Variants in PHIP observed in about 807,000 individuals in gnomAD.
PHIP encodes PHIP subunit of CUL4-Ring ligase complex, also known as PH-interacting protein.
PHIP carries 54 observed loss-of-function variants against 236.8 expected under a neutral mutation model. The observed-to-expected ratio is 0.23, with a 90% confidence interval of 0.18 to 0.29. The LOEUF (loss-of-function observed/expected upper bound fraction) is 0.29. PHIP is among the 10% of genes least tolerant of loss of function. The pLI is 1.00. For synonymous variants in PHIP, 756 were observed against 718.9 expected, an observed-to-expected ratio of 1.05 and a Z score of -0.83; for missense variants, 1,370 against 2,190.8, an observed-to-expected ratio of 0.63 and a Z score of 7.48.
At chr6:79,063,308 C>G (rs1489332244) in intron 4 of PHIP, among the ~76,000 whole-genome samples, 2 of 152,192 alleles carry the variant, frequency 1.3e-5, no homozygotes, top group African/African-American at 4.8e-5. Flanking sequence ...GACTGACTTC[C>G]CCACTCTCAA....
At chr6:79,077,211 C>A (rs909468102) in intron 4 of PHIP, among the ~76,000 whole-genome samples, 1 of 152,002 alleles carries the variant, frequency 6.6e-6, no homozygotes, top group Non-Finnish European at 1.5e-5. Context: ...ATCTTTATTT[C>A]TAGCACATTA....
Position 79,036,757 on chromosome 6 carries a change from T to A in PHIP, c.600+6086A>T, listed in dbSNP as rs183935671. On this transcript the variant is annotated intron_variant, in intron 7 of 39. Coordinates refer to ENST00000275034, the MANE Select transcript of PHIP (RefSeq NM_017934.7). ...TAACATGGTGAAACCCTGTCTCTAC[T>A]AAAAATACAAAAAATTAGCCAGGCG... Among the ~76,000 whole-genome samples, 448 of 151,618 alleles carry A rather than the reference T, an allele frequency of 3.0e-3. 3 individuals carry two copies. The highest frequency in any genetic ancestry group is 8.8e-3 in the African/African-American group (365 of 41,342).
chr6:78,977,703 C>T (rs910143023), intron 24 of PHIP, among the ~76,000 whole-genome samples: 4 of 152,106 alleles, frequency 2.6e-5, no homozygotes, highest in African/African-American at 9.7e-5. Context: ...TATAATTTCA[C>T]ATCTTAATGC....
In PHIP at chr6:78,940,558, T is replaced by TTTGTTTGTTTTG. The variant is rs1466107215; in HGVS notation, c.*134_*135insCAAAACAAACAA. The TTTGTTTGTTTTG allele has an allele frequency of 5.6e-4, 101 of 179,844 alleles. 5 individuals carry two copies. In the South Asian group the frequency reaches 8.6e-3, roughly 15 times the overall value. 11.1% of individuals were successfully genotyped at this position (179,844 alleles called of 1,614,324 possible). A position where few individuals can be genotyped will look rare whatever the true frequency, so the allele number is the denominator to read the frequency against. On this transcript the variant is annotated 3_prime_UTR_variant, in exon 40 of 40. Transcript: ENST00000275034. ...GTGTCTCGTAAGTTTGTTTTTTTTT[T>TTTGTTTGTTTTG]TTTTTTTTTTTTTGCAAATCAAATC...
chr6:78,985,662 G>A lies in PHIP; in HGVS notation c.2461-234C>T, dbSNP rs185379364. On this transcript the variant is annotated intron_variant, in intron 21 of 39. Coordinates refer to ENST00000275034, the MANE Select transcript of PHIP (RefSeq NM_017934.7). ...TCGAGACCAGCCTGGCCAACGTGGC[G>A]ACACCCTGTCTCTACTAAAACACAC... Among the ~76,000 whole-genome samples, 425 of 152,108 alleles carry A rather than the reference G, an allele frequency of 2.8e-3. 2 individuals carry two copies. Among genetic ancestry groups the A allele is most frequent in the Middle Eastern group, 6.8e-3 (2 of 294 alleles).
At chr6:79,040,207 T>C (rs1772138687) in intron 7 of PHIP, among the ~76,000 whole-genome samples, 1 of 152,048 alleles carries the variant, frequency 6.6e-6, no homozygotes, top group Non-Finnish European at 1.5e-5. Context: ...CTCCCCTCTC[T>C]CTTTAGGTGA....
intron 22 of PHIP, 50 bp from the exon 23 acceptor site, chr6:78,983,167 G>A (rs755394783): frequency 1.1e-6 from 1 of 949,722 alleles, no homozygotes; most frequent in Non-Finnish European, 1.5e-6. Context: ...AAAATTTTAA[G>A]ACTTGTTTTA....
chr6:79,019,551 C>T (rs1771006120), intron 9 of PHIP, among the ~76,000 whole-genome samples: 1 of 152,078 alleles, frequency 6.6e-6, no homozygotes, highest in Non-Finnish European at 1.5e-5. Context: ...TAGGTGCTGT[C>T]TGTGCCTTAT....
intron 4 of PHIP, among the ~76,000 whole-genome samples, chr6:79,073,649 C>T (rs1415502143): frequency 6.6e-6 from 1 of 151,826 alleles, no homozygotes; most frequent in Non-Finnish European, 1.5e-5. Flanking sequence ...TAAATGTATA[C>T]CTAAGATATA....
At chr6:78,957,498 G>A (rs1766501013) in intron 32 of PHIP, 1 of 151,050 alleles carries the variant, frequency 6.6e-6, no homozygotes, top group Non-Finnish European at 1.5e-5. Context: ...GAAATGACCT[G>A]CATTCCTCAG....
intron 7 of PHIP, among the ~76,000 whole-genome samples, chr6:79,032,451 A>G (rs1771722628): frequency 1.3e-5 from 2 of 152,222 alleles, no homozygotes; most frequent in South Asian, 4.1e-4. Context: ...TTCATGTAAT[A>G]GTCCACATCC....
chr6:78,953,366 A>T, intron 35 of PHIP, among the ~76,000 whole-genome samples: 1 of 152,200 alleles, frequency 6.6e-6, no homozygotes, highest in African/African-American at 2.4e-5. Context: ...TAGAATAAAA[A>T]CATTGTCTTA....
At chr6:79,036,967 C>A (rs981342326) in intron 7 of PHIP, among the ~76,000 whole-genome samples, 1 of 146,828 alleles carries the variant, frequency 6.8e-6, no homozygotes, top group African/African-American at 2.5e-5. Context: ...TGACTTGATA[C>A]CCCATTACCT....
At position 78,998,298 on chromosome 6, in the gene PHIP, C is replaced by A; in HGVS notation, c.1973G>T (p.Arg658Leu). 1.2e-6 allele frequency: 2 copies of A among 1,610,452 alleles called. No individual in the cohort carries two copies. The highest frequency in any genetic ancestry group is 1.1e-5 in the South Asian group (1 of 91,018). Reference sequence around the variant, plus strand: ...ATTACTGATAACTGCTTCACCAGAACGTCTCAGGTCTTGCTCCTGTTGTAG... The same window carrying A: ...ATTACTGATAACTGCTTCACCAGAAAGTCTCAGGTCTTGCTCCTGTTGTAG... ...QRLQQEQDLR[R>L]SGEAVISNTS... is the part of the protein sequence containing the mutation. The change falls in exon 18 of 40, where the codon CGT (arginine) becomes CTT (leucine). Residue 658 changes from arginine to leucine, a missense_variant. By Grantham distance (102) the Arg-to-Leu change is moderately radical. Transcript: ENST00000275034.
intron 19 of PHIP, among the ~76,000 whole-genome samples, chr6:78,993,401 A>C (rs1769398009): frequency 6.6e-6 from 1 of 152,234 alleles, no homozygotes; most frequent in Non-Finnish European, 1.5e-5. Flanking sequence ...TCTAAATGGA[A>C]GAAGATATCA....
Position 79,016,596 on chromosome 6 carries a change from T to C in PHIP, c.1183A>G (p.Lys395Glu). The C allele has an allele frequency of 6.2e-7, 1 of 1,612,118 alleles. No individual in the cohort carries two copies. Among genetic ancestry groups the C allele is most frequent in the South Asian group, 1.1e-5 (1 of 90,968 alleles). The change falls in exon 13 of 40, where the codon AAA becomes GAA. Residue 395 changes from lysine (K) to glutamate (E), a missense_variant. Around this residue, in one of 14 missense-constraint regions of PHIP, gnomAD observed 188 missense variants for 354.3 expected, o/e 0.53. Transcript: ENST00000275034. ...AAAATGCTCTTCCACTCTCTTCGTT[T>C]AAATTGCCAAATACGTGCTGTCCCA... The part of the protein sequence containing the change: ...RDGTARIWQF[K>E]RREWKSILLD...
rs749998193 is a variant in PHIP, at chr6:78,990,848, TCAAAA to T, written c.2319+15_2319+19del. ...ATACTTAAGAAGCAAATATTAAACA[TCAAAA>T]TAATTAATATGTACCTTTGAGACAG... On this transcript the variant is annotated intron_variant, in intron 20 of 39. Coordinates refer to ENST00000275034, the MANE Select transcript of PHIP (RefSeq NM_017934.7). 1.5e-6 allele frequency: 2 copies of T among 1,372,468 alleles called. No individual in the cohort carries two copies. Among genetic ancestry groups the T allele is most frequent in the Non-Finnish European group, 2.0e-6 (2 of 977,994 alleles). 85.0% of individuals were successfully genotyped at this position (1,372,468 alleles called of 1,614,324 possible). A position where few individuals can be genotyped will look rare whatever the true frequency, so the allele number is the denominator to read the frequency against.
chr6:78,936,623 A>T lies in PHIP; in HGVS notation c.*4070T>A, dbSNP rs1238632667. The T allele has an allele frequency of 6.6e-6, 1 of 151,894 alleles. No individual in the cohort carries two copies. Among genetic ancestry groups the T allele is most frequent in the Non-Finnish European group, 1.5e-5 (1 of 67,792 alleles). 9.4% of individuals were successfully genotyped at this position (151,894 alleles called of 1,614,324 possible). A position where few individuals can be genotyped will look rare whatever the true frequency, so the allele number is the denominator to read the frequency against. On this transcript the variant is annotated 3_prime_UTR_variant, in exon 40 of 40. Transcript: ENST00000275034. ...CTGATAATTTTTATCTGCATTAAAAAAGTATTTCAACACAGAGCTATCAAA... is the reference window on the plus strand; with the variant it reads ...CTGATAATTTTTATCTGCATTAAAATAGTATTTCAACACAGAGCTATCAAA...
intron 7 of PHIP, among the ~76,000 whole-genome samples, chr6:79,037,672 G>A (rs1440221027): frequency 1.3e-5 from 2 of 152,214 alleles, no homozygotes; most frequent in East Asian, 1.9e-4. Context: ...CAAGTCTGAA[G>A]TACAAGAGAT....
Sources: allele counts gnomAD v4.1 joint callset (sites outside exome capture counted in the v4.1 genomes callset), GRCh38; gene constraint gnomAD v4.1.1; regional missense constraint gnomAD v4.1.1; transcripts MANE v1.5; gene names NCBI Gene and HGNC (gene_info 2026-07-23, HGNC 2026-07-21).